The following RANBP3L variants were observed in gnomAD, a reference collection of about 807,000 sequenced individuals.
RANBP3L encodes ran-binding protein 3-like.
In RANBP3L, 56 loss-of-function variants were observed where a neutral mutation model predicts 67.2. That is an observed-to-expected ratio of 0.83 (90% CI 0.67 to 1.04). RANBP3L has a LOEUF of 1.04. RANBP3L is among the 50% of genes least tolerant of loss of function. The pLI is 0.00. For missense variants in RANBP3L, 496 were observed against 535.5 expected (o/e 0.93, Z 0.73); for synonymous variants, 164 against 181.4 (o/e 0.90, Z 0.77).
chr5:36,260,953 A>G, intron 7 of RANBP3L, 89 bp from the exon 8 acceptor site: 1 of 636,696 alleles, frequency 1.6e-6, no homozygotes, highest in Non-Finnish European at 2.8e-6. Flanking sequence ...TAATAGATTT[A>G]TGTAAATCAA....
At chr5:36,250,872 T>C (rs1181988859) in intron 13 of RANBP3L, among the ~76,000 whole-genome samples, 3 of 152,114 alleles carry the variant, frequency 2.0e-5, no homozygotes, top group Non-Finnish European at 4.4e-5. Context: ...AAAATAGTAT[T>C]TGTACAATCT....
chr5:36,277,861 G>T (rs1161276125), intron 1 of RANBP3L, among the ~76,000 whole-genome samples: 1 of 152,176 alleles, frequency 6.6e-6, no homozygotes, highest in African/African-American at 2.4e-5. Flanking sequence ...CCACGTGGCT[G>T]AGGAGGCCTC....
chr5:36,260,671 G>A (rs551788175), intron 8 of RANBP3L, 109 bp downstream of exon 8: 4 of 589,430 alleles, frequency 6.8e-6, no homozygotes, highest in Non-Finnish European at 1.2e-5. Context: ...TTTGAACTCA[G>A]GAGTTAAAAA....
intron 10 of RANBP3L, 147 bp downstream of exon 10, chr5:36,256,794 T>C: frequency 1.5e-6 from 1 of 667,016 alleles, no homozygotes; most frequent in Admixed American, 3.3e-5. Context: ...GGTTCAATTT[T>C]TGAGAGCATC....
At chr5:36,256,805 C>G (rs1416609726) in intron 10 of RANBP3L, 136 bp downstream of exon 10, 2 of 737,918 alleles carry the variant, frequency 2.7e-6, no homozygotes, top group Non-Finnish European at 4.2e-6. Context: ...TGAGAGCATC[C>G]AACATTTTTA....
intron 1 of RANBP3L, among the ~76,000 whole-genome samples, chr5:36,278,004 C>T (rs1444542477): frequency 6.6e-6 from 1 of 152,086 alleles, no homozygotes; most frequent in Admixed American, 6.6e-5. Flanking sequence ...ACGAGAACAG[C>T]TCATGAAGGA....
intron 1 of RANBP3L, among the ~76,000 whole-genome samples, chr5:36,276,089 C>T (rs1750547903): frequency 6.6e-6 from 1 of 152,144 alleles, no homozygotes; most frequent in East Asian, 1.9e-4. Context: ...ACCTTGCTTC[C>T]TGGGCTTAAC....
intron 1 of RANBP3L, among the ~76,000 whole-genome samples, chr5:36,291,509 A>G (rs1233314586): frequency 1.3e-5 from 2 of 152,042 alleles, no homozygotes; most frequent in Non-Finnish European, 2.9e-5. Context: ...CTAACTCGTC[A>G]TCTAGCATTA....
chr5:36,298,090 G>T (rs1443085900), intron 1 of RANBP3L, among the ~76,000 whole-genome samples: 1 of 151,902 alleles, frequency 6.6e-6, no homozygotes, highest in Non-Finnish European at 1.5e-5. Flanking sequence ...CATGAGGTCA[G>T]GAGTTCGAGA....
Position 36,301,430 on chromosome 5 carries a change from T to C in RANBP3L, c.-14A>G. The C allele has an allele frequency of 1.2e-6, 2 of 1,608,280 alleles. No homozygotes were observed. The highest frequency in any genetic ancestry group is 1.7e-6 in the Non-Finnish European group (2 of 1,175,984). ...TATGGTAGTCATGGTCCTAGCAGTATGGCTGTGACTCAAGGATCACTAGGG... is the reference window on the plus strand; with the variant it reads ...TATGGTAGTCATGGTCCTAGCAGTACGGCTGTGACTCAAGGATCACTAGGG... On this transcript the variant is annotated 5_prime_UTR_variant, in exon 1 of 14. Transcript: ENST00000296604.
chr5:36,275,282 T>C (rs1393387188), intron 1 of RANBP3L, among the ~76,000 whole-genome samples: 1 of 152,232 alleles, frequency 6.6e-6, no homozygotes, highest in Admixed American at 6.5e-5. Context: ...ATATGGTTTC[T>C]GCCACTTACA....
chr5:36,268,500 T>A (rs1235567633), intron 4 of RANBP3L, among the ~76,000 whole-genome samples: 2 of 152,036 alleles, frequency 1.3e-5, no homozygotes, highest in African/African-American at 4.8e-5. Context: ...CTATCAACCA[T>A]GAAGATGACC....
chr5:36,255,865 T>C (rs1218940259), intron 10 of RANBP3L, among the ~76,000 whole-genome samples: 1 of 152,096 alleles, frequency 6.6e-6, no homozygotes, highest in Non-Finnish European at 1.5e-5. Flanking sequence ...AAGTAACCAC[T>C]GGTGTAAATA....
chr5:36,291,526 T>A (rs200455757), intron 1 of RANBP3L, among the ~76,000 whole-genome samples: 4 of 152,020 alleles, frequency 2.6e-5, no homozygotes, highest in Non-Finnish European at 5.9e-5. Context: ...ATTAGGTATA[T>A]CTTCCAATGC....
Position 36,251,450 on chromosome 5 carries a change from A to G in RANBP3L, c.1217T>C (p.Leu406Pro). The G allele has an allele frequency of 6.2e-7, 1 of 1,612,966 alleles. No individual in the cohort carries two copies. Among genetic ancestry groups the G allele is most frequent in the South Asian group, 1.1e-5 (1 of 90,916 alleles). Residue 406 changes from leucine to proline, a missense_variant, in exon 13 of 14, where the codon CTT becomes CCT. By Grantham distance (98) the Leu-to-Pro change is moderately conservative. Transcript: ENST00000296604. ...AYLYAAIHHRLVALQSFNKQR... is the reference protein window; with the variant it reads ...AYLYAAIHHRPVALQSFNKQR... Reference sequence around the variant, plus strand: ...CTTATTGAAGCTTTGAAGTGCAACAAGACGATGATGTATTGCTGCATACAA... The same window carrying G: ...CTTATTGAAGCTTTGAAGTGCAACAGGACGATGATGTATTGCTGCATACAA...
At chr5:36,264,736 A>G (rs1246931721) in intron 6 of RANBP3L, among the ~76,000 whole-genome samples, 1 of 152,190 alleles carries the variant, frequency 6.6e-6, no homozygotes, top group African/African-American at 2.4e-5. Context: ...TCCACTACCC[A>G]GTACTCAACT....
chr5:36,286,565 C>T (rs1248292723), intron 1 of RANBP3L, among the ~76,000 whole-genome samples: 1 of 152,140 alleles, frequency 6.6e-6, no homozygotes, highest in Non-Finnish European at 1.5e-5. Context: ...TTGACTCCTT[C>T]CCTCCATTCC....
At chr5:36,284,076 C>T (rs1307379901) in intron 1 of RANBP3L, among the ~76,000 whole-genome samples, 2 of 152,006 alleles carry the variant, frequency 1.3e-5, no homozygotes, top group African/African-American at 2.4e-5. Flanking sequence ...CTCCACCTCC[C>T]GGATTCAAGT....
Position 36,248,557 on chromosome 5 carries a change from A to G in RANBP3L, c.*1097T>C, listed in dbSNP as rs1287121636. 1.3e-5 allele frequency: 2 copies of G among 152,222 alleles called. No individual in the cohort carries two copies. Among genetic ancestry groups the G allele is most frequent in the Non-Finnish European group, 2.9e-5 (2 of 68,022 alleles). 9.4% of individuals were successfully genotyped at this position (152,222 alleles called of 1,614,324 possible). Reference sequence around the variant, plus strand: ...AATATTGTTCTTCGAAGCATCACTTAGTGAAATTACGCCCTCATTCCAAAT... The same window carrying G: ...AATATTGTTCTTCGAAGCATCACTTGGTGAAATTACGCCCTCATTCCAAAT... On this transcript the variant is annotated 3_prime_UTR_variant, in exon 14 of 14. Transcript: ENST00000296604.
Sources: allele counts gnomAD v4.1 joint callset (sites outside exome capture counted in the v4.1 genomes callset), GRCh38; gene constraint gnomAD v4.1.1; transcripts MANE v1.5; gene names NCBI Gene and HGNC (gene_info 2026-07-23, HGNC 2026-07-21).